The following FBXL17 variants were observed in gnomAD, a reference collection of about 807,000 sequenced individuals.
FBXL17 encodes the protein F-box and leucine rich repeat protein 17.
In FBXL17, 22 loss-of-function variants were observed where a neutral mutation model predicts 66.2. The ratio of observed to expected loss-of-function variants is 0.33; its 90% CI spans 0.24 to 0.47. FBXL17 has a LOEUF of 0.47. FBXL17 is among the 20% of genes least tolerant of loss of function. The pLI is 1.00. For missense variants in FBXL17, 878 were observed against 948.2 expected (o/e 0.93, Z 0.97); for synonymous variants, 474 against 400.5 (o/e 1.18, Z -2.19).
At chr5:107,941,670 C>T (rs1040596974) in intron 7 of FBXL17, among the ~76,000 whole-genome samples, 4 of 152,122 alleles carry the variant, frequency 2.6e-5, no homozygotes, top group African/African-American at 9.7e-5. Context: ...CGGATATAAT[C>T]CTGATCCCAC....
chr5:107,945,737 T>C (rs1218259155), intron 7 of FBXL17, among the ~76,000 whole-genome samples: 2 of 152,294 alleles, frequency 1.3e-5, no homozygotes, highest in East Asian at 3.9e-4. Context: ...CAGGGAATGA[T>C]ACTACTAAAA....
intron 6 of FBXL17, among the ~76,000 whole-genome samples, chr5:108,032,592 A>G (rs2112787335): frequency 6.6e-6 from 1 of 152,264 alleles, no homozygotes; most frequent in East Asian, 1.9e-4. Context: ...TACTACAGAA[A>G]CAGAGATTGG....
At chr5:108,105,832 C>T (rs1013101902) in intron 6 of FBXL17, among the ~76,000 whole-genome samples, 1 of 152,010 alleles carries the variant, frequency 6.6e-6, no homozygotes, top group Non-Finnish European at 1.5e-5. Flanking sequence ...TAGGGAAAGG[C>T]CATTAAGGCA....
intron 1 of FBXL17, among the ~76,000 whole-genome samples, chr5:108,380,223 T>TTA (rs1030791864): frequency 1.3e-5 from 2 of 152,274 alleles, no homozygotes; most frequent in African/African-American, 4.8e-5. Flanking sequence ...AAATGGGATA[T>TTA]TATATATATA....
rs557703119 is a variant in FBXL17 at position 107,933,712 on chromosome 5, T to C, written c.1823-52533A>G. 1.4e-3 allele frequency among the ~76,000 whole-genome samples: 213 copies of C among 152,280 alleles called. 2 individuals carry two copies. Among genetic ancestry groups the C allele is most frequent in the Non-Finnish European group, 1.9e-3 (129 of 67,998 alleles). Reference sequence around the variant, plus strand: ...TATGAGTTTTCATCTTGGCTTGCCATTCCTCCTTTTGCAAAGTGTGAGGTA... The same window carrying C: ...TATGAGTTTTCATCTTGGCTTGCCACTCCTCCTTTTGCAAAGTGTGAGGTA... On this transcript the variant is annotated intron_variant, in intron 7 of 8. Coordinates refer to ENST00000542267, the MANE Select transcript of FBXL17 (RefSeq NM_001163315.3).
intron 4 of FBXL17, among the ~76,000 whole-genome samples, chr5:108,294,115 CATG>C (rs1758242604): frequency 1.5e-5 from 2 of 129,464 alleles, no homozygotes; most frequent in Admixed American, 7.8e-5. Flanking sequence ...TCAAAGCAGA[CATG>C]ATATTAAAAA....
chr5:107,879,930 G>A (rs1209136855), intron 8 of FBXL17: 17 of 984,238 alleles, frequency 1.7e-5, no homozygotes, highest in Non-Finnish European at 2.1e-5. Context: ...AGAGTATCCT[G>A]GGGCCACTGA....
intron 4 of FBXL17, among the ~76,000 whole-genome samples, chr5:108,280,066 T>C (rs1447124890): frequency 6.6e-6 from 1 of 152,120 alleles, no homozygotes; most frequent in African/African-American, 2.4e-5. Flanking sequence ...GAAGTAATAA[T>C]TGAAAACTTC....
rs574918381 is a variant in FBXL17 at position 108,037,669 on chromosome 5, A to G, written c.1746-16668T>C. On this transcript the variant is annotated intron_variant, in intron 6 of 8. Transcript: ENST00000542267. Reference sequence around the variant, plus strand: ...CAAATCCAGGCTTGCAGACCTCAGCAAGTTAGTGTCTCACATTCCTTATTT... The same window carrying G: ...CAAATCCAGGCTTGCAGACCTCAGCGAGTTAGTGTCTCACATTCCTTATTT... Among the ~76,000 whole-genome samples, 5 of 152,306 alleles carry G rather than the reference A, an allele frequency of 3.3e-5. No individual in the cohort carries two copies. The South Asian group carries it at 1.0e-3, about 32-fold the overall frequency.
At chr5:108,337,476 G>T (rs1760442838) in intron 4 of FBXL17, among the ~76,000 whole-genome samples, 1 of 151,968 alleles carries the variant, frequency 6.6e-6, no homozygotes, top group African/African-American at 2.4e-5. Flanking sequence ...TTATTCCAAG[G>T]AGTTACACTG....
intron 7 of FBXL17, among the ~76,000 whole-genome samples, chr5:107,945,740 T>C (rs929793934): frequency 1.5e-4 from 23 of 152,302 alleles, no homozygotes; most frequent in Admixed American, 1.0e-3. Context: ...GGAATGATAC[T>C]ACTAAAATCA....
At chr5:108,249,325 A>G (rs1179393439) in intron 4 of FBXL17, among the ~76,000 whole-genome samples, 3 of 152,154 alleles carry the variant, frequency 2.0e-5, no homozygotes, top group African/African-American at 7.2e-5. Context: ...ACAAGCCAGG[A>G]ATATATCTGA....
At position 108,028,308 on chromosome 5, in the gene FBXL17, G is replaced by A. The variant is rs186057060; in HGVS notation, c.1746-7307C>T. ...TCCAAATAGCTAAAAAGGATACCGT[G>A]AAATTTAGGTGAAATATTAAACATA... is the stretch of plus-strand genomic sequence containing the variant. On this transcript the variant is annotated intron_variant, in intron 6 of 8. Coordinates refer to ENST00000542267, the MANE Select transcript of FBXL17 (RefSeq NM_001163315.3). Among the ~76,000 whole-genome samples, 274 of 152,200 alleles carry A rather than the reference G, an allele frequency of 1.8e-3. 3 individuals are homozygous for A. The highest frequency in any genetic ancestry group is 2.0e-3 in the Non-Finnish European group (134 of 68,000).
chr5:107,870,196 A>G (rs1489429254), intron 8 of FBXL17, among the ~76,000 whole-genome samples: 2 of 152,208 alleles, frequency 1.3e-5, no homozygotes, highest in Non-Finnish European at 2.9e-5. Flanking sequence ...CCTAGAAGGC[A>G]CAGGTGATTT....
At chr5:107,867,654 C>T (rs1475453499) in intron 8 of FBXL17, among the ~76,000 whole-genome samples, 1 of 152,218 alleles carries the variant, frequency 6.6e-6, no homozygotes, top group African/African-American at 2.4e-5. Context: ...GGACAGGTCT[C>T]CTGACTCAAA....
intron 6 of FBXL17, among the ~76,000 whole-genome samples, chr5:108,067,328 A>G (rs954719931): frequency 6.6e-6 from 1 of 152,208 alleles, no homozygotes; most frequent in South Asian, 2.1e-4. Flanking sequence ...GCACTATATC[A>G]TTTTGTTCCG....
At chr5:108,336,152 T>C in intron 4 of FBXL17, among the ~76,000 whole-genome samples, 1 of 152,178 alleles carries the variant, frequency 6.6e-6, no homozygotes, top group African/African-American at 2.4e-5. Flanking sequence ...GAAGAATTTA[T>C]GAAACTAGAA....
intron 7 of FBXL17, among the ~76,000 whole-genome samples, chr5:107,978,404 G>A (rs781415021): frequency 1.3e-5 from 2 of 152,148 alleles, no homozygotes; most frequent in African/African-American, 4.8e-5. Context: ...ATTATGAGAG[G>A]GGCCTGAATT....
chr5:108,364,165 A>G (rs1325903265), intron 3 of FBXL17, among the ~76,000 whole-genome samples: 1 of 152,036 alleles, frequency 6.6e-6, no homozygotes, highest in Non-Finnish European at 1.5e-5. Context: ...TTTAAATTTA[A>G]GGATATTCAT....
Sources: gnomAD v4.1 joint callset for allele counts (sites outside exome capture counted in the v4.1 genomes callset) on GRCh38, gnomAD v4.1.1 for gene constraint, MANE v1.5 for transcripts, NCBI Gene and HGNC (gene_info 2026-07-23, HGNC 2026-07-21) for gene names.